The following LGSN variants were observed in gnomAD, a reference collection of about 807,000 sequenced individuals.
The protein encoded by LGSN is lengsin, lens protein with glutamine synthetase domain.
Under a neutral mutation model 19.5 loss-of-function variants are expected in LGSN, and 21 were observed. The ratio of observed to expected loss-of-function variants is 1.07; its 90% CI spans 0.76 to 1.55. LGSN has a LOEUF of 1.55. Among genes scored for constraint, LGSN ranks in the 40% most tolerant of loss-of-function variants. The pLI, the probability that LGSN is intolerant of heterozygous loss-of-function variation, is 0.00. For missense variants in LGSN, 673 were observed against 608.5 expected, an observed-to-expected ratio of 1.11 and a Z score of -1.12; for synonymous variants, 257 against 215.6, an observed-to-expected ratio of 1.19 and a Z score of -1.68.
chr6:63,432,476 GAT>G, the LGSN span, among the ~76,000 whole-genome samples: 8 of 151,946 alleles, frequency 5.3e-5, no homozygotes, highest in South Asian at 1.7e-3. Context: ...TGGATCACCA[GAT>G]CAGGAGATCG....
At chr6:63,508,672 T>C in the LGSN span, among the ~76,000 whole-genome samples, 5 of 152,066 alleles carry the variant, frequency 3.3e-5, no homozygotes, top group Non-Finnish European at 7.4e-5. Flanking sequence ...ATCCCAGCAT[T>C]TTGGGAGGCC....
At chr6:63,319,664 G>A (rs1273432011) in intron 1 of LGSN, among the ~76,000 whole-genome samples, 1 of 152,038 alleles carries the variant, frequency 6.6e-6, no homozygotes, top group African/African-American at 2.4e-5. Context: ...AGTGCCTATT[G>A]AACTTAAATG....
At chr6:63,285,443 G>T in intron 3 of LGSN, 144 bp downstream of exon 3, 2 of 668,812 alleles carry the variant, frequency 3.0e-6, no homozygotes, top group Non-Finnish European at 4.9e-6. Context: ...TGTTTGGGAG[G>T]AACAAGGGAA....
the LGSN span, among the ~76,000 whole-genome samples, chr6:63,416,891 T>C: frequency 6.7e-6 from 1 of 149,862 alleles, no homozygotes; most frequent in African/African-American, 2.5e-5. Context: ...AAAAGAAATA[T>C]ATATATACAC....
At chr6:63,508,683 G>A in the LGSN span, among the ~76,000 whole-genome samples, 4 of 152,038 alleles carry the variant, frequency 2.6e-5, no homozygotes, top group African/African-American at 4.8e-5. Context: ...TTGGGAGGCC[G>A]AGGCAGGTGG....
chr6:63,307,351 C>T (rs1768431189), intron 1 of LGSN, among the ~76,000 whole-genome samples: 1 of 152,110 alleles, frequency 6.6e-6, no homozygotes, highest in Non-Finnish European at 1.5e-5. Flanking sequence ...CTCCAGAGCA[C>T]CAAGTACTTG....
At chr6:63,501,008 C>T in the LGSN span, among the ~76,000 whole-genome samples, 4 of 152,076 alleles carry the variant, frequency 2.6e-5, no homozygotes, top group Non-Finnish European at 4.4e-5. Flanking sequence ...GGATTACAGG[C>T]GTGAGCCACT....
At chr6:63,359,443 T>G in the LGSN span, among the ~76,000 whole-genome samples, 1 of 152,180 alleles carries the variant, frequency 6.6e-6, no homozygotes, top group East Asian at 1.9e-4. Flanking sequence ...GTAGAATGCA[T>G]CTGTGAATCC....
the LGSN span, among the ~76,000 whole-genome samples, chr6:63,520,520 G>A: frequency 5.3e-5 from 8 of 151,846 alleles, no homozygotes; most frequent in East Asian, 1.9e-4. Context: ...CCAGCTACTC[G>A]GGAGGCTGAG....
the LGSN span, among the ~76,000 whole-genome samples, chr6:63,534,814 G>T: frequency 6.6e-6 from 1 of 151,838 alleles, no homozygotes; most frequent in Admixed American, 6.6e-5. Context: ...ATTTCATAAA[G>T]AATTTCTTTA....
the LGSN span, among the ~76,000 whole-genome samples, chr6:63,464,558 G>A: frequency 6.7e-6 from 1 of 149,906 alleles, no homozygotes; most frequent in Non-Finnish European, 1.5e-5. Flanking sequence ...TGTATATAAT[G>A]TATTAAATAT....
chr6:63,343,150 T>C, the LGSN span, among the ~76,000 whole-genome samples: 2 of 152,236 alleles, frequency 1.3e-5, no homozygotes, highest in African/African-American at 4.8e-5. Context: ...TAATGTTAAT[T>C]ATGATTTTAT....
At chr6:63,463,149 C>A in the LGSN span, among the ~76,000 whole-genome samples, 2 of 152,168 alleles carry the variant, frequency 1.3e-5, no homozygotes, top group Admixed American at 6.6e-5. Context: ...CTTAACCTCT[C>A]TGTATCTCTG....
chr6:63,441,838 G>T, the LGSN span: 1 of 299,304 alleles, frequency 3.3e-6, no homozygotes, highest in African/African-American at 2.3e-5. Context: ...GTGCAGCGGG[G>T]GCGCTGGTTG....
chr6:63,517,370 G>A, the LGSN span, among the ~76,000 whole-genome samples: 1 of 152,032 alleles, frequency 6.6e-6, no homozygotes, highest in African/African-American at 2.4e-5. Flanking sequence ...AATCCCCATG[G>A]TAACCACATA....
At chr6:63,450,561 AG>A in the LGSN span, among the ~76,000 whole-genome samples, 1 of 148,318 alleles carries the variant, frequency 6.7e-6, no homozygotes. Context: ...AAAAAAAAAA[AG>A]AAAAGAAAAA....
At chr6:63,519,617 CA>C in the LGSN span, among the ~76,000 whole-genome samples, 1 of 152,088 alleles carries the variant, frequency 6.6e-6, no homozygotes, top group African/African-American at 2.4e-5. Flanking sequence ...TTTTGTGACT[CA>C]ATTACAGCCC....
chr6:63,535,708 A>G, the LGSN span, among the ~76,000 whole-genome samples: 2 of 152,194 alleles, frequency 1.3e-5, no homozygotes, highest in East Asian at 3.9e-4. Flanking sequence ...GTTAGTCACA[A>G]GGATTGTGCC....
chr6:63,540,928 C>G, the LGSN span, among the ~76,000 whole-genome samples: 1 of 150,186 alleles, frequency 6.7e-6, no homozygotes, highest in South Asian at 2.1e-4. Flanking sequence ...ACTAGAACCC[C>G]GGGGGCGGAG....
Sources: allele counts gnomAD v4.1 joint callset (sites outside exome capture counted in the v4.1 genomes callset), GRCh38; gene constraint gnomAD v4.1.1; transcripts MANE v1.5; gene names NCBI Gene and HGNC (gene_info 2026-07-23, HGNC 2026-07-21).